The following PRDM16 variants were observed in gnomAD, a reference collection of about 807,000 sequenced individuals.
PRDM16 encodes PR/SET domain 16, also known as histone-lysine N-methyltransferase PRDM16.
Under a neutral mutation model 110.6 loss-of-function variants are expected in PRDM16, and 23 were observed. The ratio of observed to expected loss-of-function variants is 0.21; its 90% CI spans 0.15 to 0.29. PRDM16 has a LOEUF of 0.29. Among genes scored for constraint, PRDM16 ranks in the 10% least tolerant of loss-of-function variants. The pLI is 1.00. For missense variants in PRDM16, 1,615 were observed against 1,794.3 expected (o/e 0.90, Z 1.81); for synonymous variants, 799 against 781.8 (o/e 1.02, Z -0.37).
intron 3 of PRDM16, among the ~76,000 whole-genome samples, chr1:3,365,845 G>A (rs1235433170): frequency 6.6e-6 from 1 of 152,236 alleles, no homozygotes; most frequent in African/African-American, 2.4e-5. Context: ...TGGGGCTGCA[G>A]GGACGACTTT....
At position 3,338,304 on chromosome 1, in the gene PRDM16, C is replaced by T. The variant is rs530948601; in HGVS notation, c.439-46848C>T. ...CTCCTGTGGCCTCAGATGAGAAGCC[C>T]CGTGGGGAACAGATGTTCCCTTGCT... On this transcript the variant is annotated intron_variant, in intron 3 of 16. Transcript: ENST00000270722. 6.6e-5 allele frequency among the ~76,000 whole-genome samples: 10 copies of T among 152,360 alleles called. No individual in the cohort carries two copies. The South Asian group carries it at 1.0e-3, about 16-fold the overall frequency.
Position 3,186,126 on chromosome 1 carries a change from T to C in PRDM16, c.39T>C (p.Ser13=), listed in dbSNP as rs1373869540. ...SKARARKLAK[S]DGDVVNNMYE... is the part of the protein sequence containing the mutation. ...TTGACGCTGCGTTGTCTCCTTTAGG[T>C]GACGGTGACGTTGTAAATAATATGT... is the stretch of plus-strand genomic sequence containing the variant. Residue 13 remains serine (S), a splice_region_variant and synonymous_variant, in exon 2 of 17, where the codon AGT becomes AGC. Coordinates refer to ENST00000270722, the MANE Select transcript of PRDM16 (RefSeq NM_022114.4). 1.2e-6 allele frequency: 2 copies of C among 1,611,696 alleles called. No individual in the cohort carries two copies. Among genetic ancestry groups the C allele is most frequent in the East Asian group, 2.2e-5 (1 of 44,856 alleles).
chr1:3,242,224 C>T (rs1639689480), intron 2 of PRDM16, among the ~76,000 whole-genome samples: 1 of 152,206 alleles, frequency 6.6e-6, no homozygotes, highest in African/African-American at 2.4e-5. Flanking sequence ...TGCACAGGTG[C>T]CTGTGACTCC....
intron 3 of PRDM16, among the ~76,000 whole-genome samples, chr1:3,270,478 C>T (rs370674192): frequency 4.8e-5 from 7 of 146,794 alleles, no homozygotes; most frequent in South Asian, 2.2e-4. Flanking sequence ...GGAGGACAGT[C>T]GGGGAGGACA....
At chr1:3,118,079 GTGCA>G (rs1465316517) in intron 1 of PRDM16, among the ~76,000 whole-genome samples, 4 of 150,994 alleles carry the variant, frequency 2.6e-5, no homozygotes, top group Admixed American at 6.6e-5. Context: ...GTGTGTGTGC[GTGCA>G]TGTGTATGTG....
chr1:3,297,566 G>A (rs543462866), intron 3 of PRDM16, among the ~76,000 whole-genome samples: 53 of 152,228 alleles, frequency 3.5e-4, no homozygotes, highest in African/African-American at 1.2e-3. Context: ...TTGCAGGTGC[G>A]AACCACTGCG....
intron 1 of PRDM16, among the ~76,000 whole-genome samples, chr1:3,176,120 C>A (rs558319543): frequency 9.6e-4 from 146 of 151,926 alleles, no homozygotes; most frequent in Middle Eastern, 3.4e-3. Context: ...TTCATCCATT[C>A]CTTCATTAAC....
At chr1:3,091,137 C>T (rs1021727244) in intron 1 of PRDM16, among the ~76,000 whole-genome samples, 14 of 152,204 alleles carry the variant, frequency 9.2e-5, no homozygotes, top group Non-Finnish European at 7.3e-5. Flanking sequence ...CAGGAATGAC[C>T]GCTAACAGGG....
intron 2 of PRDM16, among the ~76,000 whole-genome samples, chr1:3,237,709 G>A (rs967458151): frequency 6.6e-6 from 1 of 152,246 alleles, no homozygotes; most frequent in African/African-American, 2.4e-5. Context: ...CCCGGGCGGT[G>A]TGTCCAGGCC....
intron 1 of PRDM16, among the ~76,000 whole-genome samples, chr1:3,134,268 G>A (rs1643392330): frequency 6.6e-6 from 1 of 152,200 alleles, no homozygotes; most frequent in East Asian, 1.9e-4. Context: ...CATTCAGCTG[G>A]GGGACGGAGC....
chr1:3,110,378 G>C (rs1465089158), intron 1 of PRDM16, among the ~76,000 whole-genome samples: 1 of 150,610 alleles, frequency 6.6e-6, no homozygotes, highest in Non-Finnish European at 1.5e-5. Context: ...AGTGTCTGCG[G>C]CTCCCCCATG....
intron 3 of PRDM16, among the ~76,000 whole-genome samples, chr1:3,277,719 A>G (rs765732227): frequency 1.1e-4 from 15 of 135,394 alleles, no homozygotes; most frequent in South Asian, 2.1e-4. Context: ...ACCCACATGC[A>G]CACACACACG....
At chr1:3,146,590 T>TGTGA (rs1643661430) in intron 1 of PRDM16, among the ~76,000 whole-genome samples, 3 of 145,468 alleles carry the variant, frequency 2.1e-5, no homozygotes, top group East Asian at 4.1e-4. Flanking sequence ...GGGGCATATG[T>TGTGA]GTGCACGTGT....
intron 3 of PRDM16, among the ~76,000 whole-genome samples, chr1:3,281,628 T>A (rs1329688507): frequency 6.6e-6 from 1 of 152,152 alleles, no homozygotes; most frequent in Non-Finnish European, 1.5e-5. Context: ...TGAGCTATGA[T>A]CAGACTGATG....
chr1:3,245,196 G>C lies in PRDM16; in HGVS notation c.438+1059G>C, dbSNP rs1017887470. Among the ~76,000 whole-genome samples the C allele has an allele frequency of 1.3e-5, 2 of 152,166 alleles. No homozygotes were observed. Among genetic ancestry groups the C allele is most frequent in the African/African-American group, 4.8e-5 (2 of 41,436 alleles). On this transcript the variant is annotated intron_variant, in intron 3 of 16. Transcript: ENST00000270722. This position sits in a 1 kb window ranked among gnomAD's most constrained non-coding sequence, Gnocchi z 4.7. ...ATTCCGTGACGCAGCATATGGGCTT[G>C]AGGGGTACTGGCAGCCTTGTGGTTA...
intron 12 of PRDM16, among the ~76,000 whole-genome samples, chr1:3,419,823 G>A (rs552675656): frequency 5.3e-5 from 8 of 152,000 alleles, no homozygotes; most frequent in Admixed American, 1.3e-4. Context: ...AAGCATCCCC[G>A]GCTGCCCCAG....
intron 1 of PRDM16, among the ~76,000 whole-genome samples, chr1:3,096,349 C>T (rs552230305): frequency 1.8e-4 from 28 of 152,278 alleles, no homozygotes; most frequent in East Asian, 1.5e-3. Context: ...GTCTCCTGCC[C>T]GCAGGACCCC....
chr1:3,417,846 A>G lies in PRDM16; in HGVS notation c.2710A>G (p.Met904Val). The G allele has an allele frequency of 4.3e-6, 7 of 1,613,764 alleles. No individual in the cohort carries two copies. The highest frequency in any genetic ancestry group is 1.1e-5 in the South Asian group (1 of 91,080). ...CCTACAGATGTCAGCCATAGAGACC[A>G]TGACAGAGAAGCTGGAGAGCTTTGC... ...FHPQMSAIET[M>V]TEKLESFAAM... Residue 904 changes from methionine (M) to valine (V), a missense_variant, in exon 11 of 17, where the codon ATG becomes GTG. By Grantham distance (21) the Met-to-Val change is conservative. Coordinates refer to ENST00000270722, the MANE Select transcript of PRDM16 (RefSeq NM_022114.4).
intron 1 of PRDM16, among the ~76,000 whole-genome samples, chr1:3,082,834 G>A (rs1642061895): frequency 6.6e-6 from 1 of 152,204 alleles, no homozygotes; most frequent in Non-Finnish European, 1.5e-5. Flanking sequence ...AAAGCGATGG[G>A]GCCGGCGCCT....
Sources: allele counts gnomAD v4.1 joint callset (sites outside exome capture counted in the v4.1 genomes callset), GRCh38; gene constraint gnomAD v4.1.1; non-coding constraint Gnocchi (gnomAD v3.1); transcripts MANE v1.5; gene names NCBI Gene and HGNC (gene_info 2026-07-23, HGNC 2026-07-21).